The following RBFOX1 variants were observed in gnomAD, a reference collection of about 807,000 sequenced individuals.
RBFOX1 encodes the protein RNA binding protein fox-1 homolog 1.
RBFOX1 carries 8 observed loss-of-function variants against 57.7 expected under a neutral mutation model. The observed-to-expected ratio is 0.14, with a 90% CI of 0.08 to 0.25. The LOEUF (loss-of-function observed/expected upper bound fraction) is 0.25. RBFOX1 is among the 10% of genes least tolerant of loss of function. The pLI, the probability that RBFOX1 is intolerant of heterozygous loss-of-function variation, is 1.00. For missense variants in RBFOX1, 611 were observed against 548.5 expected (o/e 1.11, Z -1.14); for synonymous variants, 326 against 222.4 (o/e 1.47, Z -4.15).
chr16:7,683,441 C>G (rs148731601), intron 14 of RBFOX1, among the ~76,000 whole-genome samples: 33 of 152,052 alleles, frequency 2.2e-4, no homozygotes, highest in African/African-American at 6.5e-4. Flanking sequence ...CTGTTATGCA[C>G]TATTGGATGA....
chr16:6,879,711 C>T (rs2062538560), intron 3 of RBFOX1, among the ~76,000 whole-genome samples: 1 of 152,136 alleles, frequency 6.6e-6, no homozygotes, highest in South Asian at 2.1e-4. Flanking sequence ...ATATTCTTTT[C>T]TGTGGAAGTA....
intron 3 of RBFOX1, among the ~76,000 whole-genome samples, chr16:5,811,845 T>C (rs895641298): frequency 2.6e-5 from 4 of 152,172 alleles, no homozygotes; most frequent in African/African-American, 9.7e-5. Flanking sequence ...CTTGACTGAA[T>C]TTATGGAGTC....
chr16:5,618,990 G>A (rs917534206), intron 3 of RBFOX1, among the ~76,000 whole-genome samples: 1 of 152,172 alleles, frequency 6.6e-6, no homozygotes, highest in African/African-American at 2.4e-5. Flanking sequence ...CTTTGCTCCG[G>A]TGGTTCCAGG....
chr16:5,973,489 C>T (rs1326133779), intron 4 of RBFOX1, among the ~76,000 whole-genome samples: 2 of 152,132 alleles, frequency 1.3e-5, no homozygotes, highest in African/African-American at 2.4e-5. Flanking sequence ...TGATGCCTTC[C>T]CTAGGTCAGA....
intron 2 of RBFOX1, among the ~76,000 whole-genome samples, chr16:6,599,811 TA>T (rs1463759077): frequency 6.6e-6 from 1 of 152,100 alleles, no homozygotes; most frequent in Non-Finnish European, 1.5e-5. Flanking sequence ...GAAAGGCAAT[TA>T]ATGAGAGCAC....
chr16:7,419,165 C>T (rs1220165378), intron 4 of RBFOX1, among the ~76,000 whole-genome samples: 1 of 152,190 alleles, frequency 6.6e-6, no homozygotes. Context: ...ACCGTGGCCT[C>T]CCAAAGTGCT....
intron 3 of RBFOX1, among the ~76,000 whole-genome samples, chr16:7,051,572 C>G (rs141456006): frequency 2.6e-5 from 4 of 152,344 alleles, no homozygotes; most frequent in Admixed American, 1.3e-4. Flanking sequence ...CTGATTAGAA[C>G]TGGACCATAA....
At chr16:6,437,438 C>G (rs2094266734) in intron 2 of RBFOX1, among the ~76,000 whole-genome samples, 1 of 152,152 alleles carries the variant, frequency 6.6e-6, no homozygotes, top group Non-Finnish European at 1.5e-5. Flanking sequence ...TTTGCTTGGT[C>G]AGTGTCTTCA....
intron 4 of RBFOX1, among the ~76,000 whole-genome samples, chr16:7,236,929 C>G (rs892232895): frequency 7.2e-5 from 11 of 152,148 alleles, no homozygotes; most frequent in Non-Finnish European, 1.5e-5. Flanking sequence ...TATAAATGAT[C>G]TGCCTGCCTC....
intron 3 of RBFOX1, among the ~76,000 whole-genome samples, chr16:6,890,959 G>C (rs990455299): frequency 2.6e-5 from 4 of 152,194 alleles, no homozygotes; most frequent in Admixed American, 6.5e-5. Context: ...GTGTTCCCTA[G>C]AATTCGTGTG....
chr16:7,362,287 GTGTA>G lies in RBFOX1; in HGVS notation c.28-155856_28-155853del, dbSNP rs1029009921. 1.6e-3 allele frequency among the ~76,000 whole-genome samples: 200 copies of G among 124,242 alleles called. 1 individual carries two copies. Among genetic ancestry groups the G allele is most frequent in the Non-Finnish European group, 2.5e-3 (154 of 60,592 alleles). The allele number at this position is 124,242 out of a possible 152,430, so 81.5% of individuals were successfully genotyped here. A position where few individuals can be genotyped will look rare whatever the true frequency, so the allele number is the denominator to read the frequency against. On this transcript the variant is annotated intron_variant, in intron 4 of 15. Coordinates refer to ENST00000550418, the MANE Select transcript of RBFOX1 (RefSeq NM_018723.4). The stretch of plus-strand genomic sequence containing the variant: ...GTGTGTTTTGTGTGTATGTTAGTAT[GTGTA>G]TGTTTTTCGTGTGTTTGCGTGTGTG...
At chr16:5,662,403 G>C (rs2049684887) in intron 3 of RBFOX1, among the ~76,000 whole-genome samples, 1 of 152,116 alleles carries the variant, frequency 6.6e-6, no homozygotes, top group African/African-American at 2.4e-5. Flanking sequence ...TCTATTATGT[G>C]TGAAAGTGCC....
intron 3 of RBFOX1, among the ~76,000 whole-genome samples, chr16:6,888,641 C>G (rs572592456): frequency 9.9e-5 from 15 of 152,186 alleles, no homozygotes; most frequent in South Asian, 4.1e-4. Flanking sequence ...CCTTGCAGGT[C>G]AGTATTTATA....
At chr16:6,850,071 A>C (rs1410427457) in intron 3 of RBFOX1, among the ~76,000 whole-genome samples, 1 of 152,148 alleles carries the variant, frequency 6.6e-6, no homozygotes, top group East Asian at 1.9e-4. Flanking sequence ...TACCTTCTTA[A>C]CCGAGTCGAT....
intron 3 of RBFOX1, among the ~76,000 whole-genome samples, chr16:6,746,987 C>A (rs1016717585): frequency 6.6e-6 from 1 of 152,150 alleles, no homozygotes; most frequent in African/African-American, 2.4e-5. Flanking sequence ...AGCTATACTA[C>A]TGTGCAGATA....
intron 3 of RBFOX1, among the ~76,000 whole-genome samples, chr16:5,691,106 G>T (rs2050663688): frequency 6.6e-6 from 1 of 152,162 alleles, no homozygotes; most frequent in African/African-American, 2.4e-5. Context: ...TGTCCAATAG[G>T]TCTAATTATT....
At chr16:5,646,692 TG>T (rs1340382169) in intron 3 of RBFOX1, among the ~76,000 whole-genome samples, 1 of 152,108 alleles carries the variant, frequency 6.6e-6, no homozygotes. Context: ...TGGAGTGCTT[TG>T]GCGTGATCTC....
At chr16:7,195,549 A>T (rs760598233) in intron 4 of RBFOX1, among the ~76,000 whole-genome samples, 1 of 151,988 alleles carries the variant, frequency 6.6e-6, no homozygotes, top group South Asian at 2.1e-4. Flanking sequence ...TTATTTATGT[A>T]TTTATTTATT....
intron 2 of RBFOX1, among the ~76,000 whole-genome samples, chr16:6,506,184 A>G (rs749376136): frequency 2.6e-5 from 4 of 152,142 alleles, no homozygotes; most frequent in Non-Finnish European, 5.9e-5. Context: ...GGACAACAGG[A>G]GTGGGCAGGT....
Sources: allele counts gnomAD v4.1 joint callset (sites outside exome capture counted in the v4.1 genomes callset), GRCh38; gene constraint gnomAD v4.1.1; transcripts MANE v1.5; gene names NCBI Gene and HGNC (gene_info 2026-07-23, HGNC 2026-07-21).